PSMD1: variants seen among roughly 807,000 people sequenced by gnomAD.
The protein encoded by PSMD1 is proteasome 26S subunit, non-ATPase 1, also known as 26S proteasome non-ATPase regulatory subunit 1.
A neutral mutation model predicts 119.0 loss-of-function variants in PSMD1; 18 were observed. That is an observed-to-expected ratio of 0.15 (90% confidence interval 0.10 to 0.22). PSMD1 has a LOEUF of 0.22. Among genes scored for constraint, PSMD1 ranks in the 10% least tolerant of loss-of-function variants. The pLI is 1.00. For missense variants in PSMD1, 702 were observed against 1,158.5 expected (o/e 0.61, Z 5.72); for synonymous variants, 374 against 396.6 (o/e 0.94, Z 0.68).
chr2:231,090,486 G>A (rs1450539581), intron 16 of PSMD1, among the ~76,000 whole-genome samples: 2 of 152,204 alleles, frequency 1.3e-5, no homozygotes, highest in Non-Finnish European at 2.9e-5. Flanking sequence ...TTGAACCTGG[G>A]AGGCGGAGGT....
chr2:231,066,868 A>T, intron 4 of PSMD1, 38 bp from the exon 5 acceptor site: 1 of 1,502,282 alleles, frequency 6.7e-7, no homozygotes, highest in Non-Finnish European at 8.9e-7. Flanking sequence ...AGTTTAGCCC[A>T]ATTTACAAGA....
At chr2:231,068,156 A>G (rs766814730) in intron 5 of PSMD1, among the ~76,000 whole-genome samples, 15 of 152,110 alleles carry the variant, frequency 9.9e-5, no homozygotes, top group Non-Finnish European at 2.2e-4. Flanking sequence ...GTATTAGTAG[A>G]TAGTTAATAG....
intron 16 of PSMD1, among the ~76,000 whole-genome samples, chr2:231,134,995 C>G (rs1695936241): frequency 6.6e-6 from 1 of 152,104 alleles, no homozygotes; most frequent in African/African-American, 2.4e-5. Context: ...ACCTATAGTA[C>G]CTGGCACTGT....
intron 5 of PSMD1, among the ~76,000 whole-genome samples, chr2:231,069,780 T>C (rs1164827181): frequency 2.0e-5 from 3 of 152,248 alleles, no homozygotes; most frequent in Admixed American, 6.5e-5. Context: ...GTTCATGTAA[T>C]AGTGATTCTG....
At chr2:231,070,964 A>C (rs1694027863) in intron 6 of PSMD1, among the ~76,000 whole-genome samples, 1 of 152,088 alleles carries the variant, frequency 6.6e-6, no homozygotes, top group African/African-American at 2.4e-5. Context: ...GTTTTTTACA[A>C]TCCCTTTTAA....
intron 16 of PSMD1, among the ~76,000 whole-genome samples, chr2:231,128,536 G>A (rs767264853): frequency 1.3e-5 from 2 of 152,198 alleles, no homozygotes; most frequent in Non-Finnish European, 2.9e-5. Flanking sequence ...GAAAGACTTT[G>A]ACAAATCAAA....
intron 8 of PSMD1, among the ~76,000 whole-genome samples, chr2:231,076,112 C>T (rs1694157478): frequency 6.6e-6 from 1 of 152,152 alleles, no homozygotes; most frequent in Admixed American, 6.5e-5. Flanking sequence ...TAGATCCTTA[C>T]TTCAGGCAGA....
intron 16 of PSMD1, among the ~76,000 whole-genome samples, chr2:231,110,285 C>A (rs1180771507): frequency 6.6e-6 from 1 of 152,064 alleles, no homozygotes; most frequent in Non-Finnish European, 1.5e-5. Flanking sequence ...ACACCACTGC[C>A]CTCCACGCTC....
At chr2:231,133,233 C>T (rs565221783) in intron 16 of PSMD1, among the ~76,000 whole-genome samples, 69 of 152,044 alleles carry the variant, frequency 4.5e-4, no homozygotes, top group Non-Finnish European at 5.9e-4. Context: ...CACAGATGCG[C>T]GCCACCACAC....
intron 16 of PSMD1, chr2:231,123,836 G>GT (rs1695643726): frequency 2.6e-6 from 3 of 1,172,542 alleles, no homozygotes; most frequent in South Asian, 1.2e-5. Flanking sequence ...CTGCTCATCT[G>GT]TTTTTTTAAG....
At chr2:231,066,068 G>T (rs1693904109) in intron 4 of PSMD1, among the ~76,000 whole-genome samples, 1 of 152,194 alleles carries the variant, frequency 6.6e-6, no homozygotes, top group African/African-American at 2.4e-5. Flanking sequence ...ATACCATAGA[G>T]CCTAGGTATG....
chr2:231,058,301 T>G (rs1254116241), intron 1 of PSMD1, among the ~76,000 whole-genome samples: 2 of 152,220 alleles, frequency 1.3e-5, no homozygotes, highest in Non-Finnish European at 2.9e-5. Flanking sequence ...CTTGTCTGGG[T>G]TACTATATCA....
intron 16 of PSMD1, chr2:231,109,142 GGTGTTTCATCCC>G (rs1695068906): frequency 1.2e-6 from 2 of 1,614,124 alleles, no homozygotes; most frequent in African/African-American, 2.7e-5. Flanking sequence ...TGACGAGCAA[GGTGTTTCATCCC>G]TTTGGAAAAC....
intron 16 of PSMD1, among the ~76,000 whole-genome samples, chr2:231,103,645 T>C (rs1454124678): frequency 6.6e-6 from 1 of 152,206 alleles, no homozygotes; most frequent in Non-Finnish European, 1.5e-5. Context: ...CTGTTTTTCT[T>C]CCAAAATTTG....
At chr2:231,139,587 A>G (rs564345591) in intron 17 of PSMD1, among the ~76,000 whole-genome samples, 7 of 149,912 alleles carry the variant, frequency 4.7e-5, no homozygotes, top group African/African-American at 1.7e-4. Context: ...AAGAAGAAGA[A>G]GAAGAAAATA....
At chr2:231,091,618 C>T (rs1249834830) in intron 16 of PSMD1, among the ~76,000 whole-genome samples, 4 of 152,154 alleles carry the variant, frequency 2.6e-5, no homozygotes, top group Non-Finnish European at 5.9e-5. Context: ...TGAGTATAAT[C>T]AGTAACATTC....
chr2:231,148,095 C>G (rs1333959853), intron 18 of PSMD1, among the ~76,000 whole-genome samples: 1 of 152,202 alleles, frequency 6.6e-6, no homozygotes, highest in East Asian at 1.9e-4. Flanking sequence ...ACTTAATATA[C>G]TACATCTTCT....
intron 17 of PSMD1, among the ~76,000 whole-genome samples, chr2:231,145,236 A>T (rs564747352): frequency 1.3e-5 from 2 of 152,368 alleles, no homozygotes; most frequent in African/African-American, 4.8e-5. Context: ...ATACTTACAC[A>T]AACATAGATA....
At position 231,075,567 on chromosome 2, in the gene PSMD1, A is replaced by C; in HGVS notation, c.938A>C (p.Glu313Ala). The C allele has an allele frequency of 1.2e-6, 2 of 1,610,348 alleles. No homozygotes were observed. The highest frequency in any genetic ancestry group is 1.7e-5 in the Admixed American group (1 of 59,490). The stretch of plus-strand genomic sequence containing the variant: ...AGTGCATTTGTAGGAAAGACACCAG[A>C]AGCCGTGAGTGTGCTTTTTTTTTTT... ...TSSAFVGKTP[E>A]ASPEPKDQTL... Residue 313 changes from glutamate (E) to alanine (A), a missense_variant, in exon 8 of 25, where the codon GAA becomes GCA. By Grantham distance (107) the Glu-to-Ala change is moderately radical. Transcript: ENST00000308696.
Sources: allele counts gnomAD v4.1 joint callset (sites outside exome capture counted in the v4.1 genomes callset), GRCh38; gene constraint gnomAD v4.1.1; transcripts MANE v1.5; gene names NCBI Gene and HGNC (gene_info 2026-07-23, HGNC 2026-07-21).